Variants in HPSE2 observed in about 807,000 individuals in gnomAD.
HPSE2 encodes heparanase 2 (inactive), also known as inactive heparanase-2.
In HPSE2, 38 loss-of-function variants were observed where a neutral mutation model predicts 60.5. That is an observed-to-expected ratio of 0.63 (90% CI 0.48 to 0.82). The LOEUF is 0.82. Among genes scored for constraint, HPSE2 ranks in the 40% least tolerant of loss-of-function variants. The pLI is 0.00. For missense variants in HPSE2, 713 were observed against 740.4 expected (o/e 0.96, Z 0.43); for synonymous variants, 295 against 293.2 (o/e 1.01, Z -0.06).
At chr10:99,158,838 A>G (rs1174314890) in intron 2 of HPSE2, among the ~76,000 whole-genome samples, 1 of 152,194 alleles carries the variant, frequency 6.6e-6, no homozygotes, top group Non-Finnish European at 1.5e-5. Context: ...TTAATAATCC[A>G]TTTAACAAAA....
intron 3 of HPSE2, among the ~76,000 whole-genome samples, chr10:98,925,092 G>C (rs1171219308): frequency 1.3e-5 from 2 of 152,216 alleles, no homozygotes; most frequent in Non-Finnish European, 2.9e-5. Flanking sequence ...CCACTGCTAG[G>C]GGATGGAGGT....
chr10:98,690,433 C>T (rs1387169095), intron 6 of HPSE2, among the ~76,000 whole-genome samples: 3 of 151,992 alleles, frequency 2.0e-5, no homozygotes, highest in Non-Finnish European at 2.9e-5. Flanking sequence ...CCCAGCTACT[C>T]GGGAGGCTGA....
intron 9 of HPSE2, among the ~76,000 whole-genome samples, chr10:98,612,498 T>C (rs1244538624): frequency 2.6e-5 from 4 of 152,246 alleles, no homozygotes; most frequent in Non-Finnish European, 5.9e-5. Flanking sequence ...TACAGTTCAC[T>C]ACATTGTAAA....
intron 9 of HPSE2, among the ~76,000 whole-genome samples, chr10:98,583,036 GC>G (rs1485339953): frequency 1.3e-5 from 2 of 152,172 alleles, no homozygotes; most frequent in Admixed American, 1.3e-4. Context: ...GACTAGGGGG[GC>G]ATAGGGAAGC....
intron 6 of HPSE2, among the ~76,000 whole-genome samples, chr10:98,689,063 A>C (rs1311207109): frequency 2.6e-5 from 4 of 152,114 alleles, no homozygotes; most frequent in African/African-American, 7.2e-5. Flanking sequence ...TAATGTGCCC[A>C]GATAAAATTT....
chr10:99,201,894 T>C (rs1848586934), intron 2 of HPSE2, among the ~76,000 whole-genome samples: 1 of 151,964 alleles, frequency 6.6e-6, no homozygotes, highest in African/African-American at 2.4e-5. Flanking sequence ...GGCCAGAAGA[T>C]GAACACGACG....
At chr10:98,940,988 G>A (rs1188486801) in intron 3 of HPSE2, among the ~76,000 whole-genome samples, 1 of 128,528 alleles carries the variant, frequency 7.8e-6, no homozygotes, top group Non-Finnish European at 1.6e-5. Flanking sequence ...AAAACCACAT[G>A]ATTATCTCAA....
intron 7 of HPSE2, among the ~76,000 whole-genome samples, chr10:98,632,607 C>T (rs764027164): frequency 6.6e-6 from 1 of 152,084 alleles, no homozygotes; most frequent in Non-Finnish European, 1.5e-5. Flanking sequence ...CATATTCTCC[C>T]ATTTGCAGAT....
intron 3 of HPSE2, among the ~76,000 whole-genome samples, chr10:98,848,991 A>G (rs1952101163): frequency 6.6e-6 from 1 of 151,524 alleles, no homozygotes; most frequent in African/African-American, 2.4e-5. Flanking sequence ...TTGCAATTCC[A>G]ACGCCCACAG....
At chr10:99,279,721 A>G in the HPSE2 span, among the ~76,000 whole-genome samples, 1 of 152,206 alleles carries the variant, frequency 6.6e-6, no homozygotes, top group Non-Finnish European at 1.5e-5. Context: ...ACTATGGGAA[A>G]CCAAGCTATG....
chr10:98,641,866 T>G lies in HPSE2; in HGVS notation c.1079A>C (p.Gln360Pro). ...ACTCACTTTCTGAATTTTCCTAATC[T>G]GGTCAGAGAGTGTGTCTAACAGGCG... is the stretch of plus-strand genomic sequence containing the variant. Reference protein sequence around the residue: ...KTRLLDTLSDQIRKIQKVVNT... With the variant: ...KTRLLDTLSDPIRKIQKVVNT... The change falls in exon 7 of 12, where the codon CAG becomes CCG. Residue 360 changes from glutamine (Q) to proline (P), a missense_variant. By Grantham distance (76) the Gln-to-Pro change is moderately conservative (BLOSUM62 -1). Coordinates refer to ENST00000370552, the MANE Select transcript of HPSE2 (RefSeq NM_021828.5). 1 of 1,613,566 alleles carries G rather than the reference T, an allele frequency of 6.2e-7. No homozygotes were observed. The highest frequency in any genetic ancestry group is 8.5e-7 in the Non-Finnish European group (1 of 1,179,554).
At chr10:98,640,057 T>C (rs1452570432) in intron 7 of HPSE2, among the ~76,000 whole-genome samples, 1 of 152,222 alleles carries the variant, frequency 6.6e-6, no homozygotes, top group Non-Finnish European at 1.5e-5. Context: ...GAGGGCAATA[T>C]GTAATATCAG....
At chr10:98,527,978 G>C (rs1943020425) in intron 9 of HPSE2, among the ~76,000 whole-genome samples, 1 of 152,134 alleles carries the variant, frequency 6.6e-6, no homozygotes, top group Non-Finnish European at 1.5e-5. Context: ...CTGATCTGAG[G>C]CCCTTCAGCA....
chr10:98,596,516 A>G (rs1035310471), intron 9 of HPSE2, among the ~76,000 whole-genome samples: 1 of 151,728 alleles, frequency 6.6e-6, no homozygotes, highest in African/African-American at 2.4e-5. Context: ...ATTTTTGCTA[A>G]GGTAGGTCTA....
chr10:98,862,028 G>A (rs1952470146), intron 3 of HPSE2, among the ~76,000 whole-genome samples: 1 of 152,186 alleles, frequency 6.6e-6, no homozygotes, highest in African/African-American at 2.4e-5. Flanking sequence ...CAAAAAGTAT[G>A]TGCTGTTAGT....
At chr10:98,562,742 T>A (rs1001432507) in intron 9 of HPSE2, among the ~76,000 whole-genome samples, 12 of 150,656 alleles carry the variant, frequency 8.0e-5, no homozygotes, top group Non-Finnish European at 1.6e-4. Context: ...AAAAATCTGC[T>A]GGTCTACTCT....
At chr10:98,976,718 T>C (rs931413818) in intron 3 of HPSE2, among the ~76,000 whole-genome samples, 2 of 150,866 alleles carry the variant, frequency 1.3e-5, no homozygotes, top group African/African-American at 4.9e-5. Context: ...CTGACAATTG[T>C]TGCTATCCGT....
chr10:99,058,478 A>C (rs1489990270), intron 3 of HPSE2, among the ~76,000 whole-genome samples: 4 of 152,190 alleles, frequency 2.6e-5, no homozygotes, highest in Non-Finnish European at 5.9e-5. Context: ...ATGGTAGCCA[A>C]AAATGGCACT....
chr10:99,192,624 G>A (rs1027605470), intron 2 of HPSE2, among the ~76,000 whole-genome samples: 1 of 151,842 alleles, frequency 6.6e-6, no homozygotes, highest in African/African-American at 2.4e-5. Context: ...ATTTTGTATA[G>A]ATGGTGTTTC....
Sources: gnomAD v4.1 joint callset for allele counts (sites outside exome capture counted in the v4.1 genomes callset) on GRCh38, gnomAD v4.1.1 for gene constraint, MANE v1.5 for transcripts, NCBI Gene and HGNC (gene_info 2026-07-23, HGNC 2026-07-21) for gene names.